Variants in TRPC4 observed in about 807,000 individuals in gnomAD.
TRPC4 encodes transient receptor potential cation channel subfamily C member 4.
A neutral mutation model predicts 99.4 loss-of-function variants in TRPC4; 49 were observed. The ratio of observed to expected loss-of-function variants is 0.49; its 90% confidence interval spans 0.39 to 0.63. The LOEUF is 0.63. Ranked by LOEUF, TRPC4 falls within the 20% of genes least tolerant of loss-of-function variation. The probability of loss-of-function intolerance (pLI) is 0.00; values close to 1 mark genes in which losing one functional copy is unlikely to be tolerated. For missense variants in TRPC4, 898 were observed against 1,152.9 expected, an observed-to-expected ratio of 0.78 and a Z score of 3.20; for synonymous variants, 454 against 425.9, an observed-to-expected ratio of 1.07 and a Z score of -0.81.
intron 4 of TRPC4, among the ~76,000 whole-genome samples, chr13:37,685,008 G>A (rs1047802556): frequency 2.0e-4 from 30 of 152,082 alleles, no homozygotes; most frequent in African/African-American, 7.2e-4. Context: ...CACATAATAT[G>A]TTTTAGATTA....
Position 37,636,964 on chromosome 13 carries a change from T to A in TRPC4, c.2873A>T (p.Asp958Val), listed in dbSNP as rs748459863. The A allele has an allele frequency of 5.6e-6, 9 of 1,613,630 alleles. No homozygotes were observed. The highest frequency in any genetic ancestry group is 8.5e-7 in the Non-Finnish European group (1 of 1,179,674). ...KHAKEEDSSI[D>V]YDLNLPDTVT... ...TGTGTCTGGGAGGTTTAGATCATAG[T>A]CTATACTAGAGTCCTCTTCTTTTGC... The change falls in exon 11 of 11, where the codon GAC becomes GTC. Residue 958 changes from aspartate to valine, a missense_variant. This residue lies in a region of TRPC4 where 346 missense variants were observed against 351.4 expected (regional missense o/e 0.98). Transcript: ENST00000379705.
chr13:37,825,927 T>G (rs1420865633), intron 1 of TRPC4, among the ~76,000 whole-genome samples: 2 of 145,100 alleles, frequency 1.4e-5, no homozygotes, highest in Non-Finnish European at 3.0e-5. Flanking sequence ...TGTAGGTCAC[T>G]CAGGACTTGC....
At chr13:37,816,268 C>T (rs1378581342) in intron 1 of TRPC4, among the ~76,000 whole-genome samples, 1 of 151,840 alleles carries the variant, frequency 6.6e-6, no homozygotes, top group East Asian at 1.9e-4. Flanking sequence ...ACTCATAAAG[C>T]AAGTTCTTGG....
chr13:37,745,391 G>A (rs921843074), intron 3 of TRPC4, among the ~76,000 whole-genome samples: 7 of 145,668 alleles, frequency 4.8e-5, no homozygotes, highest in African/African-American at 1.6e-4. Context: ...CCAAGGATGC[G>A]GAACCTGCAG....
intron 2 of TRPC4, among the ~76,000 whole-genome samples, chr13:37,764,215 T>C (rs958679356): frequency 2.0e-5 from 3 of 151,592 alleles, no homozygotes; most frequent in African/African-American, 7.3e-5. Flanking sequence ...AGTTTTCTAT[T>C]TTTCCTCTTG....
chr13:37,867,809 TAA>T (rs1302531391), intron 1 of TRPC4, among the ~76,000 whole-genome samples: 2 of 152,100 alleles, frequency 1.3e-5, no homozygotes, highest in African/African-American at 4.8e-5. Context: ...TTTATAAACA[TAA>T]GTTGTTGTTT....
rs1264896369 is a variant in TRPC4 at position 37,842,366 on chromosome 13, AAAAAGG to A, written c.-28+27223_-28+27228del. 3.0e-3 allele frequency among the ~76,000 whole-genome samples: 425 copies of A among 142,932 alleles called. 23 individuals are homozygous for A. Among genetic ancestry groups the A allele is most frequent in the African/African-American group, 0.011 (407 of 37,986 alleles). 93.8% of individuals were successfully genotyped at this position (142,932 alleles called of 152,430 possible). A position where few individuals can be genotyped will look rare whatever the true frequency, so the allele number is the denominator to read the frequency against. On this transcript the variant is annotated intron_variant, in intron 1 of 10. Transcript: ENST00000379705. Reference sequence around the variant, plus strand: ...GCCAAAAAAAAAAAAAAAAAAAAAAAAAAAGGAAAAGGAAAAGTATAAATCGGGGGC... The same window carrying A: ...GCCAAAAAAAAAAAAAAAAAAAAAAAAAAAGGAAAAGTATAAATCGGGGGC...
chr13:37,641,313 C>A (rs919539080), intron 8 of TRPC4, among the ~76,000 whole-genome samples: 13 of 152,096 alleles, frequency 8.5e-5, no homozygotes, highest in African/African-American at 2.7e-4. Context: ...CACTATGGTA[C>A]CTTTCAGGCG....
intron 1 of TRPC4, among the ~76,000 whole-genome samples, chr13:37,789,315 T>G (rs566867366): frequency 6.6e-6 from 1 of 152,286 alleles, no homozygotes; most frequent in South Asian, 2.1e-4. Context: ...CCTTGGGCAC[T>G]TAGCAACTCC....
chr13:37,783,445 A>C, intron 1 of TRPC4, 85 bp from the exon 2 acceptor site: 1 of 1,106,192 alleles, frequency 9.0e-7, no homozygotes, highest in East Asian at 2.5e-5. Flanking sequence ...ACTCACAGTG[A>C]TATCAATAAC....
chr13:37,791,524 T>C lies in TRPC4; in HGVS notation c.-27-8164A>G, dbSNP rs1306440362. Among the ~76,000 whole-genome samples, 3 of 151,994 alleles carry C rather than the reference T, an allele frequency of 2.0e-5. No homozygotes were observed. In the East Asian group the frequency reaches 5.8e-4, roughly 29 times the overall value. On this transcript the variant is annotated intron_variant, in intron 1 of 10. Transcript: ENST00000379705. ...CTCAGGAAAGGGTAATAGAGTAAAA[T>C]GTTTAATGAACATATCTGTATGTCA...
intron 3 of TRPC4, among the ~76,000 whole-genome samples, chr13:37,729,712 G>A (rs1955181842): frequency 6.6e-6 from 1 of 152,040 alleles, no homozygotes; most frequent in African/African-American, 2.4e-5. Flanking sequence ...GAGGACATTA[G>A]GCTAAGTGAA....
At chr13:37,660,000 G>GC (rs1158453514) in intron 6 of TRPC4, among the ~76,000 whole-genome samples, 2 of 152,080 alleles carry the variant, frequency 1.3e-5, no homozygotes. Flanking sequence ...AATATATTGT[G>GC]CAACCCGAGG....
intron 3 of TRPC4, among the ~76,000 whole-genome samples, chr13:37,738,152 G>C (rs938510433): frequency 1.3e-5 from 2 of 152,146 alleles, no homozygotes; most frequent in African/African-American, 4.8e-5. Context: ...AAAGCTCTGA[G>C]AGTCCTGAGA....
rs544315342 is a variant in TRPC4 at position 37,780,844 on chromosome 13, G to T, written c.378+2112C>A. ...GTTCAAACAAAATAATACAATTTTT[G>T]TTTATTCTCGGTGCCTTCACTGAAG... On this transcript the variant is annotated intron_variant, in intron 2 of 10. Coordinates refer to ENST00000379705, the MANE Select transcript of TRPC4 (RefSeq NM_016179.4). Among the ~76,000 whole-genome samples the T allele has an allele frequency of 3.7e-3, 568 of 152,060 alleles. 2 individuals carry two copies. The highest frequency in any genetic ancestry group is 6.5e-3 in the Non-Finnish European group (442 of 67,960).
intron 3 of TRPC4, among the ~76,000 whole-genome samples, chr13:37,710,824 G>C (rs1954459449): frequency 6.6e-6 from 1 of 151,738 alleles, no homozygotes; most frequent in Non-Finnish European, 1.5e-5. Context: ...TTAGGAAAGG[G>C]AAAAAAGTGA....
intron 1 of TRPC4, among the ~76,000 whole-genome samples, chr13:37,816,978 C>T (rs1957873558): frequency 6.6e-6 from 1 of 152,048 alleles, no homozygotes; most frequent in Admixed American, 6.6e-5. Flanking sequence ...AGGATGCCTT[C>T]TCTCACCACT....
intron 3 of TRPC4, among the ~76,000 whole-genome samples, chr13:37,741,334 T>A (rs1458870846): frequency 6.6e-6 from 1 of 152,224 alleles, no homozygotes; most frequent in Non-Finnish European, 1.5e-5. Context: ...GCAAAAATCA[T>A]GCCAGAAACC....
At chr13:37,645,032 A>G (rs1238438209) in intron 8 of TRPC4, among the ~76,000 whole-genome samples, 1 of 151,528 alleles carries the variant, frequency 6.6e-6, no homozygotes, top group Non-Finnish European at 1.5e-5. Flanking sequence ...TCTAGGAAAA[A>G]TATTTTGGAA....
Sources: allele counts gnomAD v4.1 joint callset (sites outside exome capture counted in the v4.1 genomes callset), GRCh38; gene constraint gnomAD v4.1.1; regional missense constraint gnomAD v4.1.1; transcripts MANE v1.5; gene names NCBI Gene and HGNC (gene_info 2026-07-23, HGNC 2026-07-21).